UBE3D: variants seen among roughly 807,000 people sequenced by gnomAD.
UBE3D encodes ubiquitin protein ligase E3D, also known as E3 ubiquitin-protein ligase E3D.
Under a neutral mutation model 49.6 loss-of-function variants are expected in UBE3D, and 48 were observed. The ratio of observed to expected loss-of-function variants is 0.97; its 90% CI spans 0.77 to 1.23. The LOEUF is 1.23. Ranked by LOEUF, UBE3D falls within the 50% of genes most tolerant of loss-of-function variation. The pLI is 0.00. For missense variants in UBE3D, 452 were observed against 468.4 expected (o/e 0.96, Z 0.32); for synonymous variants, 189 against 174.2 (o/e 1.08, Z -0.67).
chr6:83,007,893 C>T (rs1028852948), intron 8 of UBE3D, among the ~76,000 whole-genome samples: 3 of 151,646 alleles, frequency 2.0e-5, no homozygotes, highest in African/African-American at 4.8e-5. Context: ...TGCAGTGAGC[C>T]GAGATTGACC....
At chr6:82,934,783 G>A (rs1774427637) in intron 9 of UBE3D, among the ~76,000 whole-genome samples, 1 of 149,442 alleles carries the variant, frequency 6.7e-6, no homozygotes, top group South Asian at 2.1e-4. Flanking sequence ...TGATACCTTG[G>A]AAATGAAAAT....
intron 9 of UBE3D, among the ~76,000 whole-genome samples, chr6:82,923,370 T>C (rs547916043): frequency 6.6e-6 from 1 of 152,322 alleles, no homozygotes; most frequent in South Asian, 2.1e-4. Context: ...CATAGAATAC[T>C]ACGCAGCCAT....
intron 5 of UBE3D, among the ~76,000 whole-genome samples, chr6:83,034,068 TA>T (rs1257682347): frequency 6.6e-6 from 1 of 152,242 alleles, no homozygotes; most frequent in Non-Finnish European, 1.5e-5. Context: ...GTTCATTTTC[TA>T]GTGCCCTAAT....
At chr6:83,051,665 G>A (rs1783478785) in intron 3 of UBE3D, among the ~76,000 whole-genome samples, 1 of 152,212 alleles carries the variant, frequency 6.6e-6, no homozygotes, top group Non-Finnish European at 1.5e-5. Flanking sequence ...CAACTACAAT[G>A]TAAACTGAGA....
At position 82,995,090 on chromosome 6, in the gene UBE3D, T is replaced by C. The variant is rs140457912; in HGVS notation, c.1010+23883A>G. Among the ~76,000 whole-genome samples the C allele has an allele frequency of 2.8e-3, 429 of 150,916 alleles. 2 individuals carry two copies. The highest frequency in any genetic ancestry group is 9.9e-3 in the African/African-American group (407 of 40,980). On this transcript the variant is annotated intron_variant, in intron 8 of 9. Coordinates refer to ENST00000369747, the MANE Select transcript of UBE3D (RefSeq NM_198920.3). Reference sequence around the variant, plus strand: ...AGCAGGCTACAGGAAAAAGTATAAATGAGAAGGAAAAAGGGAAGAGGCCAA... The same window carrying C: ...AGCAGGCTACAGGAAAAAGTATAAACGAGAAGGAAAAAGGGAAGAGGCCAA...
the UBE3D span, among the ~76,000 whole-genome samples, chr6:82,884,305 A>C: frequency 6.6e-6 from 1 of 152,146 alleles, no homozygotes; most frequent in Admixed American, 6.6e-5. Flanking sequence ...GCTTCCAGGT[A>C]GTAGAGGCAC....
chr6:83,029,102 T>A (rs1294339506), intron 5 of UBE3D, among the ~76,000 whole-genome samples: 1 of 152,208 alleles, frequency 6.6e-6, no homozygotes. Flanking sequence ...TTTGTGTTTA[T>A]CCTACTACAG....
At chr6:82,954,189 C>T (rs964624505) in intron 9 of UBE3D, among the ~76,000 whole-genome samples, 6 of 152,068 alleles carry the variant, frequency 3.9e-5, no homozygotes, top group African/African-American at 7.2e-5. Flanking sequence ...AAGCAGGAAG[C>T]GACATGATAA....
rs79910177 is a variant in UBE3D at position 82,932,305 on chromosome 6, C to A, written c.1149+25007G>T. ...GGAAACAATGCTTGGGAAGACTGAC[C>A]CATTAAATGATACCTATCCTTTTTA... is the stretch of plus-strand genomic sequence containing the variant. On this transcript the variant is annotated intron_variant, in intron 9 of 9. Transcript: ENST00000369747. Among the ~76,000 whole-genome samples, 637 of 152,160 alleles carry A rather than the reference C, an allele frequency of 4.2e-3. 6 individuals are homozygous for A. Among genetic ancestry groups the A allele is most frequent in the African/African-American group, 0.014 (599 of 41,504 alleles).
intron 8 of UBE3D, among the ~76,000 whole-genome samples, chr6:82,999,842 C>T (rs1010470947): frequency 5.3e-5 from 8 of 152,184 alleles, no homozygotes; most frequent in African/African-American, 1.9e-4. Context: ...TCATTCACTG[C>T]TCACCCATTC....
chr6:83,006,169 G>A (rs191566597), intron 8 of UBE3D, among the ~76,000 whole-genome samples: 2 of 152,256 alleles, frequency 1.3e-5, no homozygotes, highest in East Asian at 1.9e-4. Context: ...AGGTTGCAGT[G>A]AGCAGAGATA....
chr6:83,049,563 T>G, intron 3 of UBE3D: 1 of 273,948 alleles, frequency 3.7e-6, no homozygotes, highest in Non-Finnish European at 7.6e-6. Context: ...ATTTTCAGGT[T>G]ACAATTGTAG....
At chr6:82,980,803 A>G (rs951197417) in intron 8 of UBE3D, among the ~76,000 whole-genome samples, 1 of 152,058 alleles carries the variant, frequency 6.6e-6, no homozygotes, top group African/African-American at 2.4e-5. Flanking sequence ...AGCACCATTT[A>G]TCGAAAAGGG....
At chr6:83,063,885 C>T (rs933632249) in intron 1 of UBE3D, among the ~76,000 whole-genome samples, 6 of 152,122 alleles carry the variant, frequency 3.9e-5, no homozygotes, top group African/African-American at 1.2e-4. Context: ...CTCTTAGGTA[C>T]TTACCTAAAA....
intron 9 of UBE3D, among the ~76,000 whole-genome samples, chr6:82,905,264 A>G (rs1772017184): frequency 2.0e-5 from 3 of 152,170 alleles, no homozygotes; most frequent in Admixed American, 1.3e-4. Flanking sequence ...TTTTCCAACA[A>G]CATGTGCTCA....
Position 83,057,836 on chromosome 6 carries a change from T to C in UBE3D, c.264A>G (p.Lys88=). 3 of 1,614,044 alleles carry C rather than the reference T, an allele frequency of 1.9e-6. No individual in the cohort carries two copies. Among genetic ancestry groups the C allele is most frequent in the Non-Finnish European group, 1.7e-6 (2 of 1,179,990 alleles). The change falls in exon 2 of 10, where the codon AAA becomes AAG. Residue 88 remains lysine (K), a synonymous_variant. Coordinates refer to ENST00000369747, the MANE Select transcript of UBE3D (RefSeq NM_198920.3). The stretch of plus-strand genomic sequence containing the variant: ...GCTAATATTACTCACTTGTGCCTAA[T>C]TTTGCTTGCGTCTGCAGTCGCAGGT... ...GLHLRLQTQA[K]LGTKLISMFN... is the part of the protein sequence containing the mutation.
chr6:82,885,010 A>T, the UBE3D span, among the ~76,000 whole-genome samples: 1 of 152,166 alleles, frequency 6.6e-6, no homozygotes, highest in South Asian at 2.1e-4. Context: ...GCAAGAGAAG[A>T]TTCTGAAAAA....
At chr6:83,024,093 T>G in intron 5 of UBE3D, 55 bp from the exon 6 acceptor site, 1 of 972,114 alleles carries the variant, frequency 1.0e-6, no homozygotes, top group Non-Finnish European at 1.5e-6. Context: ...AATTTTATTG[T>G]GGGCAAGTTG....
chr6:82,950,209 G>A (rs971548228), intron 9 of UBE3D, among the ~76,000 whole-genome samples: 1 of 152,160 alleles, frequency 6.6e-6, no homozygotes, highest in East Asian at 1.9e-4. Context: ...CAAAAGATAT[G>A]AGTAGATATT....
Sources: gnomAD v4.1 joint callset for allele counts (sites outside exome capture counted in the v4.1 genomes callset) on GRCh38, gnomAD v4.1.1 for gene constraint, MANE v1.5 for transcripts, NCBI Gene and HGNC (gene_info 2026-07-23, HGNC 2026-07-21) for gene names.